STK32B: variants seen among roughly 807,000 people sequenced by gnomAD.
STK32B encodes serine/threonine kinase 32B.
STK32B carries 43 observed loss-of-function variants against 52.6 expected under a neutral mutation model. The observed-to-expected ratio is 0.82, with a 90% confidence interval of 0.64 to 1.05. The LOEUF is 1.05. Ranked by LOEUF, STK32B falls within the 50% of genes least tolerant of loss-of-function variation. The pLI is 0.00. For missense variants in STK32B, 621 were observed against 534.6 expected, an observed-to-expected ratio of 1.16 and a Z score of -1.59; for synonymous variants, 238 against 204.3, an observed-to-expected ratio of 1.17 and a Z score of -1.41.
chr4:5,085,687 A>G (rs1376632604), intron 1 of STK32B, among the ~76,000 whole-genome samples: 1 of 152,192 alleles, frequency 6.6e-6, no homozygotes, highest in Non-Finnish European at 1.5e-5. Flanking sequence ...GTTAGAAGTA[A>G]CTTTTTTGGA....
intron 3 of STK32B, among the ~76,000 whole-genome samples, chr4:5,249,856 A>G (rs1453917958): frequency 2.0e-5 from 3 of 152,166 alleles, no homozygotes; most frequent in Admixed American, 6.5e-5. Flanking sequence ...AGATTATTTC[A>G]TCACCTATGT....
chr4:5,296,570 G>A (rs1436322992), intron 3 of STK32B, among the ~76,000 whole-genome samples: 1 of 152,090 alleles, frequency 6.6e-6, no homozygotes, highest in African/African-American at 2.4e-5. Context: ...TTTTATCAGA[G>A]ACTGGGATTG....
intron 4 of STK32B, among the ~76,000 whole-genome samples, chr4:5,393,772 T>C (rs978480754): frequency 7.9e-5 from 12 of 152,060 alleles, no homozygotes; most frequent in African/African-American, 2.7e-4. Flanking sequence ...CGACATGAGA[T>C]TTGGGCGGGA....
At chr4:5,204,618 T>C (rs1722427346) in intron 3 of STK32B, among the ~76,000 whole-genome samples, 1 of 152,050 alleles carries the variant, frequency 6.6e-6, no homozygotes, top group Non-Finnish European at 1.5e-5. Flanking sequence ...TACAGGTGGC[T>C]GCCACCACAC....
intron 1 of STK32B, among the ~76,000 whole-genome samples, chr4:5,101,771 T>G (rs934801896): frequency 7.2e-5 from 11 of 152,180 alleles, no homozygotes; most frequent in Non-Finnish European, 1.6e-4. Flanking sequence ...CCAATGTGAA[T>G]TGTAGATTAA....
chr4:5,159,593 A>G (rs1203138708), intron 2 of STK32B, among the ~76,000 whole-genome samples: 4 of 124,534 alleles, frequency 3.2e-5, no homozygotes, highest in Non-Finnish European at 6.2e-5. Flanking sequence ...ATATGAATAT[A>G]TATGAATATA....
the STK32B span, among the ~76,000 whole-genome samples, chr4:5,024,979 A>G: frequency 2.0e-5 from 3 of 152,164 alleles, no homozygotes; most frequent in African/African-American, 7.2e-5. Context: ...GAGTTGCTGT[A>G]AAATGCTCAG....
At chr4:5,271,130 G>T (rs997057931) in intron 3 of STK32B, among the ~76,000 whole-genome samples, 2 of 152,096 alleles carry the variant, frequency 1.3e-5, no homozygotes, top group Non-Finnish European at 2.9e-5. Context: ...TAGAGATGGG[G>T]TTTCACCATG....
chr4:5,411,514 C>T (rs1711675315), intron 5 of STK32B, among the ~76,000 whole-genome samples: 1 of 152,054 alleles, frequency 6.6e-6, no homozygotes, highest in Admixed American at 6.5e-5. Flanking sequence ...ATAGCCTTTC[C>T]ATTGTATTAG....
At chr4:5,316,905 TAA>T (rs1233489452) in intron 3 of STK32B, among the ~76,000 whole-genome samples, 1 of 25,188 alleles carries the variant, frequency 4.0e-5, no homozygotes, top group Non-Finnish European at 5.5e-5. Flanking sequence ...ATATAATATA[TAA>T]TATATATGAT....
At chr4:5,028,398 C>T in the STK32B span, among the ~76,000 whole-genome samples, 3 of 152,208 alleles carry the variant, frequency 2.0e-5, no homozygotes, top group Admixed American at 1.3e-4. Flanking sequence ...CTCTCCTGGT[C>T]CCAGGCCAGG....
intron 3 of STK32B, among the ~76,000 whole-genome samples, chr4:5,187,504 AAT>A (rs1365065670): frequency 6.6e-6 from 1 of 152,006 alleles, no homozygotes; most frequent in African/African-American, 2.4e-5. Flanking sequence ...ATTTGTGCAA[AAT>A]ATATAGCCAA....
chr4:5,493,963 A>T (rs1309475007), intron 11 of STK32B, among the ~76,000 whole-genome samples: 1 of 152,196 alleles, frequency 6.6e-6, no homozygotes, highest in Non-Finnish European at 1.5e-5. Flanking sequence ...ATAATTTCTG[A>T]TCTTCTACAT....
intron 4 of STK32B, among the ~76,000 whole-genome samples, chr4:5,367,313 G>C (rs1734940724): frequency 6.6e-6 from 1 of 152,178 alleles, no homozygotes; most frequent in South Asian, 2.1e-4. Flanking sequence ...GAGGAAAGAT[G>C]CTTAAATGTG....
Position 5,376,813 on chromosome 4 carries a change from A to G in STK32B, c.435-21394A>G, listed in dbSNP as rs1418364690. Among the ~76,000 whole-genome samples the G allele has an allele frequency of 2.0e-5, 3 of 152,274 alleles. No homozygotes were observed. The East Asian group carries it at 5.8e-4, about 29-fold the overall frequency. ...ACAGTGGCTTCTCTTCAAAAAGCCT[A>G]GCCTCCTGGGCCAGTTCTCCCCACA... On this transcript the variant is annotated intron_variant, in intron 4 of 11. Transcript: ENST00000282908.
chr4:5,170,703 C>G (rs1312422119), intron 3 of STK32B, among the ~76,000 whole-genome samples: 4 of 152,278 alleles, frequency 2.6e-5, no homozygotes, highest in East Asian at 3.9e-4. Context: ...TTAATCCAGT[C>G]TATCATTGTT....
At chr4:5,451,664 G>T (rs528876105) in intron 7 of STK32B, among the ~76,000 whole-genome samples, 4 of 152,262 alleles carry the variant, frequency 2.6e-5, no homozygotes, top group African/African-American at 9.6e-5. Context: ...GATTTTTTGT[G>T]GTGCGGGACT....
intron 3 of STK32B, among the ~76,000 whole-genome samples, chr4:5,240,454 TTTTTG>T (rs757991715): frequency 6.6e-5 from 10 of 152,212 alleles, no homozygotes; most frequent in East Asian, 1.9e-4. Flanking sequence ...TTAGGGTTCT[TTTTTG>T]TTTTGTTTTG....
At chr4:5,261,762 TTTATTA>T (rs991047711) in intron 3 of STK32B, among the ~76,000 whole-genome samples, 20 of 152,198 alleles carry the variant, frequency 1.3e-4, no homozygotes, top group African/African-American at 4.3e-4. Context: ...TTATTATTAC[TTTATTA>T]TTATTACTAT....
Sources: allele counts gnomAD v4.1 joint callset (sites outside exome capture counted in the v4.1 genomes callset), GRCh38; gene constraint gnomAD v4.1.1; transcripts MANE v1.5; gene names NCBI Gene and HGNC (gene_info 2026-07-23, HGNC 2026-07-21).